The following NEBL variants were observed in gnomAD, a reference collection of about 807,000 sequenced individuals.
The protein encoded by NEBL is LIM and SH3 protein 2.
In NEBL, 122 loss-of-function variants were observed where a neutral mutation model predicts 140.2. The observed-to-expected ratio is 0.87, with a 90% CI of 0.75 to 1.01. The LOEUF is 1.01. Among genes scored for constraint, NEBL ranks in the 50% least tolerant of loss-of-function variants. The pLI, the probability that NEBL is intolerant of heterozygous loss-of-function variation, is 0.00. For synonymous variants in NEBL, 436 were observed against 398.9 expected (o/e 1.09, Z -1.11); for missense variants, 1,365 against 1,231.3 (o/e 1.11, Z -1.62).
At chr10:21,018,495 C>T (rs970802072) in intron 3 of NEBL, among the ~76,000 whole-genome samples, 1 of 152,180 alleles carries the variant, frequency 6.6e-6, no homozygotes, top group Non-Finnish European at 1.5e-5. Context: ...GTAACCAAAA[C>T]CAGTATACAA....
chr10:21,178,677 C>A, upstream of NEBL, among the ~76,000 whole-genome samples: 1 of 152,188 alleles, frequency 6.6e-6, no homozygotes, highest in Admixed American at 6.5e-5. Flanking sequence ...CAACATAGCA[C>A]AGCACAGTGA....
At chr10:20,995,135 G>A (rs1468584525) in intron 3 of NEBL, among the ~76,000 whole-genome samples, 1 of 152,188 alleles carries the variant, frequency 6.6e-6, no homozygotes, top group Admixed American at 6.5e-5. Flanking sequence ...CTGAACGTCA[G>A]GACAGGGAAA....
chr10:21,185,767 G>A (rs968089431), intron 3 of NEBL, among the ~76,000 whole-genome samples: 12 of 152,062 alleles, frequency 7.9e-5, no homozygotes, highest in African/African-American at 2.7e-4. Context: ...CAAAGTGTTG[G>A]GATTACAGGC....
intron 4 of NEBL, among the ~76,000 whole-genome samples, chr10:20,959,779 G>C (rs372131020): frequency 6.7e-6 from 1 of 148,724 alleles, no homozygotes; most frequent in African/African-American, 2.5e-5. Context: ...ATCGCAAAAA[G>C]TTTTTTTTTT....
At chr10:21,212,893 A>T (rs1217557784) in intron 3 of NEBL, among the ~76,000 whole-genome samples, 2 of 152,198 alleles carry the variant, frequency 1.3e-5, no homozygotes, top group Non-Finnish European at 2.9e-5. Flanking sequence ...CACAATGTTT[A>T]GCATTGTGTT....
intron 2 of NEBL, among the ~76,000 whole-genome samples, chr10:21,121,626 T>C (rs1004564556): frequency 2.6e-5 from 4 of 152,174 alleles, no homozygotes; most frequent in African/African-American, 4.8e-5. Flanking sequence ...AATCTTAGAA[T>C]GAGTCGTAGA....
intron 3 of NEBL, among the ~76,000 whole-genome samples, chr10:21,016,674 C>T (rs1589138979): frequency 6.6e-6 from 1 of 152,134 alleles, no homozygotes; most frequent in Non-Finnish European, 1.5e-5. Flanking sequence ...CTTAGCATCA[C>T]AAATGATCAA....
chr10:20,991,639 G>C (rs1285717943), intron 3 of NEBL, among the ~76,000 whole-genome samples: 1 of 150,786 alleles, frequency 6.6e-6, no homozygotes, highest in Non-Finnish European at 1.5e-5. Flanking sequence ...TTATATTCAG[G>C]GGTACCGGTG....
chr10:20,788,073 G>T (rs1453357079), intron 26 of NEBL, among the ~76,000 whole-genome samples: 2 of 152,156 alleles, frequency 1.3e-5, no homozygotes, highest in Non-Finnish European at 1.5e-5. Context: ...AAAAGGCATA[G>T]TTCCTGTTTT....
At chr10:20,965,327 C>T (rs540158707) in intron 3 of NEBL, among the ~76,000 whole-genome samples, 14 of 152,270 alleles carry the variant, frequency 9.2e-5, no homozygotes, top group African/African-American at 3.4e-4. Flanking sequence ...GACAAGGGGA[C>T]GTGAAGTGTC....
chr10:20,951,526 C>T (rs7902401), intron 4 of NEBL, among the ~76,000 whole-genome samples: 23,233 of 151,816 alleles, frequency 0.15, 1,992 homozygotes, highest in African/African-American at 0.23. Flanking sequence ...AAAATTTTCT[C>T]TAATTGTATA....
At chr10:20,999,388 G>A (rs1404569274) in intron 3 of NEBL, among the ~76,000 whole-genome samples, 1 of 152,082 alleles carries the variant, frequency 6.6e-6, no homozygotes, top group African/African-American at 2.4e-5. Context: ...CTTGACCCCA[G>A]GAGTTCAAGA....
chr10:21,001,031 G>T (rs776211816), intron 3 of NEBL, among the ~76,000 whole-genome samples: 2 of 152,152 alleles, frequency 1.3e-5, no homozygotes, highest in Non-Finnish European at 2.9e-5. Flanking sequence ...ATCATCTGCA[G>T]TTCCCTCAGG....
chr10:21,104,438 G>C (rs1364217368), intron 2 of NEBL, among the ~76,000 whole-genome samples: 1 of 152,136 alleles, frequency 6.6e-6, no homozygotes, highest in Non-Finnish European at 1.5e-5. Context: ...CAGTGTAGAA[G>C]TTTTACACAT....
At chr10:20,963,004 ACAC>A (rs1836125159) in intron 3 of NEBL, among the ~76,000 whole-genome samples, 1 of 6,902 alleles carries the variant, frequency 1.4e-4, no homozygotes, top group Non-Finnish European at 2.3e-4. Flanking sequence ...TGAAAGAAAA[ACAC>A]ACACACACAC....
intron 26 of NEBL, among the ~76,000 whole-genome samples, chr10:20,790,609 A>AAC (rs1186130525): frequency 5.9e-5 from 9 of 151,788 alleles, no homozygotes; most frequent in African/African-American, 1.7e-4. Flanking sequence ...TCAAAAAAAA[A>AAC]AAAACAAAAC....
chr10:20,824,976 G>C (rs533320574), intron 18 of NEBL, among the ~76,000 whole-genome samples: 1 of 152,092 alleles, frequency 6.6e-6, no homozygotes, highest in South Asian at 2.1e-4. Flanking sequence ...GCTAACACAG[G>C]CTCTCACCAT....
intron 7 of NEBL, among the ~76,000 whole-genome samples, chr10:20,863,956 T>A (rs1340140688): frequency 6.6e-6 from 1 of 152,172 alleles, no homozygotes; most frequent in African/African-American, 2.4e-5. Flanking sequence ...GATGGGAGAA[T>A]GGTAAATTCC....
At chr10:20,956,771 TA>T (rs956202921) in intron 4 of NEBL, among the ~76,000 whole-genome samples, 95 of 149,908 alleles carry the variant, frequency 6.3e-4, no homozygotes, top group Non-Finnish European at 8.6e-4. Context: ...TTCTCATATT[TA>T]AAAAAAAAAG....
Sources: allele counts gnomAD v4.1 joint callset (sites outside exome capture counted in the v4.1 genomes callset), GRCh38; gene constraint gnomAD v4.1.1; transcripts MANE v1.5; gene names NCBI Gene and HGNC (gene_info 2026-07-23, HGNC 2026-07-21).